The following PDCD10 variants were observed in gnomAD, a reference collection of about 807,000 sequenced individuals.
PDCD10 encodes the protein programmed cell death protein 10.
PDCD10 carries 4 observed loss-of-function variants against 29.2 expected under a neutral mutation model. That is an observed-to-expected ratio of 0.14 (90% CI 0.07 to 0.31). The LOEUF (loss-of-function observed/expected upper bound fraction) is 0.31, where lower values mean the gene tolerates loss of function less well. Among genes scored for constraint, PDCD10 ranks in the 10% least tolerant of loss-of-function variants. PDCD10 has a pLI of 1.00. For missense variants in PDCD10, 183 were observed against 257.9 expected, an observed-to-expected ratio of 0.71 and a Z score of 1.99; for synonymous variants, 70 against 82.2, an observed-to-expected ratio of 0.85 and a Z score of 0.80.
intron 3 of PDCD10, among the ~76,000 whole-genome samples, chr3:167,716,264 G>A (rs1000371408): frequency 6.6e-6 from 1 of 151,942 alleles, no homozygotes; most frequent in African/African-American, 2.4e-5. Flanking sequence ...ACCAAAGGCT[G>A]AGGAGGATAG....
intron 2 of PDCD10, chr3:167,731,105 T>C (rs909109444): frequency 1.3e-5 from 2 of 152,168 alleles, no homozygotes; most frequent in African/African-American, 4.8e-5. Context: ...AATTAAACTT[T>C]TTTTAGTTTA....
chr3:167,701,686 C>T (rs751625974), intron 4 of PDCD10, among the ~76,000 whole-genome samples: 3 of 152,240 alleles, frequency 2.0e-5, no homozygotes, highest in Non-Finnish European at 2.9e-5. Context: ...ACCATAAGGC[C>T]TCTATGGAAA....
chr3:167,706,661 T>C (rs1246708439), intron 3 of PDCD10, among the ~76,000 whole-genome samples: 3 of 152,240 alleles, frequency 2.0e-5, no homozygotes, highest in Non-Finnish European at 4.4e-5. Context: ...GCCATCCATC[T>C]ACCAATGACT....
At chr3:167,727,229 A>T (rs1323698700) in intron 2 of PDCD10, among the ~76,000 whole-genome samples, 2 of 152,224 alleles carry the variant, frequency 1.3e-5, no homozygotes, top group African/African-American at 4.8e-5. Context: ...AACAAAATTA[A>T]AGAGCTCATT....
At chr3:167,716,755 A>G (rs1441192852) in intron 3 of PDCD10, among the ~76,000 whole-genome samples, 3 of 152,034 alleles carry the variant, frequency 2.0e-5, no homozygotes, top group Admixed American at 6.6e-5. Flanking sequence ...ACAGAAGCAT[A>G]CTTTTGTGTA....
intron 2 of PDCD10, among the ~76,000 whole-genome samples, chr3:167,724,716 G>A (rs2108495592): frequency 6.6e-6 from 1 of 152,192 alleles, no homozygotes; most frequent in South Asian, 2.1e-4. Flanking sequence ...TATTAACAAA[G>A]CCTGGACCCA....
At chr3:167,716,287 A>G (rs6444552) in intron 3 of PDCD10, among the ~76,000 whole-genome samples, 41,979 of 151,764 alleles carry the variant, frequency 0.28, 6,473 homozygotes, top group African/African-American at 0.41. Context: ...GGGGTGGAGA[A>G]GAAGTGAGGA....
intron 2 of PDCD10, among the ~76,000 whole-genome samples, chr3:167,727,355 C>T (rs1392545216): frequency 2.0e-5 from 3 of 152,166 alleles, no homozygotes; most frequent in Non-Finnish European, 4.4e-5. Context: ...TTAGTTGTGA[C>T]AATCCTCATT....
intron 2 of PDCD10, among the ~76,000 whole-genome samples, chr3:167,733,939 T>C (rs1165793264): frequency 6.6e-6 from 1 of 152,194 alleles, no homozygotes; most frequent in Non-Finnish European, 1.5e-5. Flanking sequence ...ATCTTTCCTT[T>C]ATTGAGGAAT....
chr3:167,700,354 A>G (rs1314937659), intron 4 of PDCD10, among the ~76,000 whole-genome samples: 1 of 152,184 alleles, frequency 6.6e-6, no homozygotes, highest in East Asian at 1.9e-4. Flanking sequence ...AACATGGGAT[A>G]ATACCATGGG....
intron 6 of PDCD10, among the ~76,000 whole-genome samples, chr3:167,688,172 G>A (rs1719832453): frequency 6.6e-6 from 1 of 152,108 alleles, no homozygotes; most frequent in Non-Finnish European, 1.5e-5. Context: ...AATGCTGTAT[G>A]CTAGATACCT....
chr3:167,693,591 G>A (rs573825894), intron 6 of PDCD10, among the ~76,000 whole-genome samples: 1 of 152,278 alleles, frequency 6.6e-6, no homozygotes, highest in African/African-American at 2.4e-5. Context: ...GGTAGAGCCA[G>A]GCTCAAGGAG....
chr3:167,724,403 T>C (rs1559977054), intron 2 of PDCD10, among the ~76,000 whole-genome samples: 1 of 152,204 alleles, frequency 6.6e-6, no homozygotes, highest in African/African-American at 2.4e-5. Context: ...GAAAGATTGA[T>C]TGACTGACTG....
At chr3:167,704,935 CTT>C (rs1721829557) in intron 3 of PDCD10, 40 bp from the exon 4 acceptor site, 2 of 1,314,548 alleles carry the variant, frequency 1.5e-6, no homozygotes, top group Admixed American at 1.8e-5. Flanking sequence ...TATCAACTTT[CTT>C]GGAAAAAGCA....
rs1479850405 is a variant in PDCD10, at chr3:167,683,421, AT to A, written c.*886del. The A allele has an allele frequency of 6.6e-6, 1 of 152,058 alleles. No individual in the cohort carries two copies. Among genetic ancestry groups the A allele is most frequent in the Non-Finnish European group, 1.5e-5 (1 of 67,944 alleles). The allele number at this position is 152,058 out of a possible 1,614,324, so 9.4% of individuals were successfully genotyped here. A position where few individuals can be genotyped will look rare whatever the true frequency, so the allele number is the denominator to read the frequency against. On this transcript the variant is annotated 3_prime_UTR_variant, in exon 9 of 9. Coordinates refer to ENST00000392750, the MANE Select transcript of PDCD10 (RefSeq NM_007217.4). ...AACTGTACCTAGTTGAAGAGTGTAT[AT>A]AATATTAACACTCATGACAATTTCA...
rs559339562 is a variant in PDCD10 at position 167,710,275 on chromosome 3, G to T, written c.97-5380C>A. On this transcript the variant is annotated intron_variant, in intron 3 of 8. Transcript: ENST00000392750. ...TGGATCTTGGGGTCCCCGAGTCCAGGCCTAGGCTTTTGGACAGCATTTCTA... is the reference window on the plus strand; with the variant it reads ...TGGATCTTGGGGTCCCCGAGTCCAGTCCTAGGCTTTTGGACAGCATTTCTA... 2.0e-5 allele frequency among the ~76,000 whole-genome samples: 3 copies of T among 152,238 alleles called. No individual in the cohort carries two copies. The East Asian group carries it at 5.8e-4, about 29-fold the overall frequency.
intron 6 of PDCD10, 47 bp from the exon 7 acceptor site, chr3:167,687,740 T>G (rs1171015687): frequency 9.7e-7 from 1 of 1,028,124 alleles, no homozygotes; most frequent in Non-Finnish European, 1.5e-6. Context: ...GAAAGAAATT[T>G]GTGAGAGAAA....
At chr3:167,721,216 C>G (rs1723524655) in intron 2 of PDCD10, among the ~76,000 whole-genome samples, 1 of 152,068 alleles carries the variant, frequency 6.6e-6, no homozygotes, top group African/African-American at 2.4e-5. Flanking sequence ...TTTGCACATG[C>G]ATTTAGTCCT....
intron 3 of PDCD10, among the ~76,000 whole-genome samples, chr3:167,706,109 C>T (rs1721939506): frequency 6.6e-6 from 1 of 152,108 alleles, no homozygotes; most frequent in African/African-American, 2.4e-5. Flanking sequence ...TGAAAGGATC[C>T]AGACAAGTAA....
Sources: allele counts gnomAD v4.1 joint callset (sites outside exome capture counted in the v4.1 genomes callset), GRCh38; gene constraint gnomAD v4.1.1; transcripts MANE v1.5; gene names NCBI Gene and HGNC (gene_info 2026-07-23, HGNC 2026-07-21).